UGT3A1: variants seen among roughly 807,000 people sequenced by gnomAD.
UGT3A1 encodes UDP-glycosyltransferase 3A1.
Under a neutral mutation model 37.6 loss-of-function variants are expected in UGT3A1, and 40 were observed. That is an observed-to-expected ratio of 1.06 (90% CI 0.83 to 1.38). The LOEUF (loss-of-function observed/expected upper bound fraction) is 1.38, where lower values mean the gene tolerates loss of function less well. Ranked by LOEUF, UGT3A1 falls within the 40% of genes most tolerant of loss-of-function variation. The pLI is 0.00. For missense variants in UGT3A1, 642 were observed against 634.2 expected (o/e 1.01, Z -0.13); for synonymous variants, 256 against 232.3 (o/e 1.10, Z -0.93).
chr5:35,991,783 C>T (rs1333299315), upstream of UGT3A1, among the ~76,000 whole-genome samples: 1 of 152,096 alleles, frequency 6.6e-6, no homozygotes, highest in Non-Finnish European at 1.5e-5. Context: ...AGAGGGAATC[C>T]CTAAGGGAAA....
upstream of UGT3A1, among the ~76,000 whole-genome samples, chr5:35,993,261 T>C (rs1368592025): frequency 4.6e-5 from 7 of 151,968 alleles, no homozygotes; most frequent in African/African-American, 1.7e-4. Flanking sequence ...GTCAGGAGAT[T>C]AAGACCATCC....
chr5:35,995,092 A>G (rs1741063527), upstream of UGT3A1, among the ~76,000 whole-genome samples: 1 of 152,138 alleles, frequency 6.6e-6, no homozygotes. Context: ...CCAACAAACA[A>G]CTTAGAAATG....
intron 3 of UGT3A1, among the ~76,000 whole-genome samples, chr5:35,967,439 G>A (rs1739854738): frequency 6.6e-6 from 1 of 152,184 alleles, no homozygotes; most frequent in South Asian, 2.1e-4. Flanking sequence ...CCAGGTGAGG[G>A]CAAGAAGTCT....
rs188342550 is a variant in UGT3A1, at chr5:35,953,814, T to C, written c.*388A>G. ...AAGATATCTGCATAAAATGGAAGAATTTGAAATGGAAGATATGTCAAATAT... is the reference window on the plus strand; with the variant it reads ...AAGATATCTGCATAAAATGGAAGAACTTGAAATGGAAGATATGTCAAATAT... On this transcript the variant is annotated 3_prime_UTR_variant, in exon 7 of 7. Transcript: ENST00000274278. The C allele has an allele frequency of 1.9e-3, 357 of 184,424 alleles. 2 individuals are homozygous for C. The highest frequency in any genetic ancestry group is 2.2e-3 in the Non-Finnish European group (191 of 87,676). The allele number at this position is 184,424 out of a possible 1,614,324, so 11.4% of individuals were successfully genotyped here.
chr5:35,961,607 C>G (rs1739588389), intron 4 of UGT3A1: 1 of 152,212 alleles, frequency 6.6e-6, no homozygotes, highest in South Asian at 2.1e-4. Context: ...TAGCAATTAA[C>G]AAGTGTACCC....
chr5:35,953,762 G>C lies in UGT3A1; in HGVS notation c.*440C>G, dbSNP rs184623064. On this transcript the variant is annotated 3_prime_UTR_variant, in exon 7 of 7. Transcript: ENST00000274278. The stretch of plus-strand genomic sequence containing the variant: ...CAGGAGAGCAGACCAGGTTTCCTGA[G>C]CTTTGAGGAGAGCTTATAGGAAGGG... 1.2e-3 allele frequency: 200 copies of C among 165,272 alleles called. 5 individuals carry two copies. The highest frequency in any genetic ancestry group is 0.01 in the Admixed American group (177 of 17,220). The allele number at this position is 165,272 out of a possible 1,614,324, so 10.2% of individuals were successfully genotyped here.
In UGT3A1 at chr5:35,958,078, CT is replaced by C. The variant is rs1430601977; in HGVS notation, c.844-660del. On this transcript the variant is annotated intron_variant, in intron 4 of 6. Transcript: ENST00000274278. Reference sequence around the variant, plus strand: ...GTTTGGTGCATATATATTTATAGCTCTTATATATTGTTGATGATATTTCATA... The same window carrying C: ...GTTTGGTGCATATATATTTATAGCTCTATATATTGTTGATGATATTTCATA... Among the ~76,000 whole-genome samples, 3 of 151,928 alleles carry C rather than the reference CT, an allele frequency of 2.0e-5. No homozygotes were observed. The East Asian group carries it at 5.8e-4, about 29-fold the overall frequency.
chr5:35,990,979 C>T (rs965133992), intron 1 of UGT3A1, 168 bp downstream of exon 1: 15 of 1,539,252 alleles, frequency 9.7e-6, no homozygotes, highest in African/African-American at 2.7e-5. Flanking sequence ...GCAATAGAGG[C>T]CCCTCTCTGC....
At position 35,991,181 on chromosome 5, in the gene UGT3A1, T is replaced by G. The variant is rs1454043633; in HGVS notation, c.60A>C (p.Ser20=). 3 of 1,613,600 alleles carry G rather than the reference T, an allele frequency of 1.9e-6. No homozygotes were observed. Among genetic ancestry groups the G allele is most frequent in the South Asian group, 2.2e-5 (2 of 91,046 alleles). ...ATATTGTCAGGATTTTGGCAGCCTC[T>G]GAGAGCAGGACCCCAGAAAGAAGGA... ...VAFLLSGVLL[S]EAAKILTIST... Residue 20 remains serine (S), a synonymous_variant, in exon 1 of 7, where the codon TCA becomes TCC. Transcript: ENST00000274278.
intron 2 of UGT3A1, among the ~76,000 whole-genome samples, chr5:35,980,733 A>G (rs1021362318): frequency 1.3e-5 from 2 of 152,216 alleles, no homozygotes; most frequent in Admixed American, 1.3e-4. Flanking sequence ...GTCATTATCT[A>G]TCCATGGGTT....
chr5:35,998,226 T>C (rs1448065109), intron 1 of UGT3A1, among the ~76,000 whole-genome samples: 1 of 152,206 alleles, frequency 6.6e-6, no homozygotes, highest in Non-Finnish European at 1.5e-5. Flanking sequence ...GCACACGAAA[T>C]TGTGGGTACT....
chr5:35,987,449 G>A (rs10512634), intron 2 of UGT3A1, among the ~76,000 whole-genome samples: 14,159 of 152,172 alleles, frequency 0.093, 861 homozygotes, highest in Middle Eastern at 0.16. Context: ...GTCTGTTAAA[G>A]TAGTGGGTCT....
chr5:35,960,769 G>T (rs1046533295), intron 4 of UGT3A1: 4 of 152,190 alleles, frequency 2.6e-5, no homozygotes, highest in African/African-American at 9.7e-5. Flanking sequence ...GGTGAATGTG[G>T]GGGTTTTATT....
At chr5:35,980,677 C>A (rs1435158053) in intron 2 of UGT3A1, among the ~76,000 whole-genome samples, 3 of 152,200 alleles carry the variant, frequency 2.0e-5, no homozygotes, top group Non-Finnish European at 4.4e-5. Context: ...GCTTTCCAAG[C>A]AGCTGGAAAA....
chr5:35,960,047 C>T (rs1191085269), intron 4 of UGT3A1, among the ~76,000 whole-genome samples: 1 of 152,170 alleles, frequency 6.6e-6, no homozygotes, highest in Non-Finnish European at 1.5e-5. Context: ...GACACACACA[C>T]AAAAATGGAA....
At chr5:35,968,857 A>C (rs975698124) in intron 2 of UGT3A1, among the ~76,000 whole-genome samples, 2 of 152,160 alleles carry the variant, frequency 1.3e-5, no homozygotes, top group African/African-American at 4.8e-5. Flanking sequence ...GAGAATCCTC[A>C]CCTCAATTCA....
At chr5:35,976,446 A>G (rs1561466344) in intron 2 of UGT3A1, among the ~76,000 whole-genome samples, 1 of 152,244 alleles carries the variant, frequency 6.6e-6, no homozygotes, top group Non-Finnish European at 1.5e-5. Flanking sequence ...TCTTCTGGTA[A>G]GAATTTTAAA....
chr5:35,994,230 C>T (rs1468716392), upstream of UGT3A1, among the ~76,000 whole-genome samples: 1 of 152,014 alleles, frequency 6.6e-6, no homozygotes, highest in Non-Finnish European at 1.5e-5. Flanking sequence ...GTGTTAATTT[C>T]CCACTTACAC....
chr5:35,989,846 T>C (rs1376137604), intron 1 of UGT3A1, among the ~76,000 whole-genome samples: 2 of 152,098 alleles, frequency 1.3e-5, no homozygotes, highest in Non-Finnish European at 2.9e-5. Flanking sequence ...AGTTTCTTAG[T>C]GATTGAGGCG....
Sources: allele counts gnomAD v4.1 joint callset (sites outside exome capture counted in the v4.1 genomes callset), GRCh38; gene constraint gnomAD v4.1.1; transcripts MANE v1.5; gene names NCBI Gene and HGNC (gene_info 2026-07-23, HGNC 2026-07-21).